SPPL3: variants seen among roughly 807,000 people sequenced by gnomAD.
SPPL3 encodes the protein signal peptide peptidase-like 3.
A neutral mutation model predicts 42.4 loss-of-function variants in SPPL3; 5 were observed. The ratio of observed to expected loss-of-function variants is 0.12; its 90% CI spans 0.06 to 0.25. The LOEUF (loss-of-function observed/expected upper bound fraction) is 0.25, where lower values mean the gene tolerates loss of function less well. Among genes scored for constraint, SPPL3 ranks in the 10% least tolerant of loss-of-function variants. The pLI, the probability that SPPL3 is intolerant of heterozygous loss-of-function variation, is 1.00. For synonymous variants in SPPL3, 195 were observed against 181.8 expected (o/e 1.07, Z -0.58); for missense variants, 235 against 489.0 (o/e 0.48, Z 4.90).
rs34670229 is a variant in SPPL3 at position 120,801,424 on chromosome 12, AT to A, written c.101+9384del. ...GTATAAAAGCATCAGCCATCTGGCC[AT>A]TTTTTTTTTTTGAGATCTTATATTT... is the stretch of plus-strand genomic sequence containing the variant. On this transcript the variant is annotated intron_variant, in intron 2 of 10. Coordinates refer to ENST00000353487, the MANE Select transcript of SPPL3 (RefSeq NM_139015.5). Among the ~76,000 whole-genome samples the A allele has an allele frequency of 1.9e-3, 275 of 145,438 alleles. 1 individual carries two copies. The highest frequency in any genetic ancestry group is 5.5e-3 in the East Asian group (28 of 5,046).
chr12:120,794,548 C>T (rs1566043836), intron 2 of SPPL3, among the ~76,000 whole-genome samples: 1 of 152,142 alleles, frequency 6.6e-6, no homozygotes, highest in East Asian at 1.9e-4. Flanking sequence ...CAGGCGCATG[C>T]CACCACACCC....
At chr12:120,841,549 T>C (rs1871833214) in intron 1 of SPPL3, among the ~76,000 whole-genome samples, 1 of 152,160 alleles carries the variant, frequency 6.6e-6, no homozygotes, top group African/African-American at 2.4e-5. Context: ...CAAGTTATAA[T>C]TATTTTTTGT....
intron 2 of SPPL3, among the ~76,000 whole-genome samples, chr12:120,797,809 G>T: frequency 6.6e-6 from 1 of 152,116 alleles, no homozygotes. Context: ...CACTGATAAT[G>T]ATCTTAACTT....
At chr12:120,776,234 A>G (rs189129404) in intron 6 of SPPL3, among the ~76,000 whole-genome samples, 89 of 152,356 alleles carry the variant, frequency 5.8e-4, no homozygotes, top group Non-Finnish European at 9.8e-4. Context: ...AATTCTAATT[A>G]GGGTTTCGGG....
At chr12:120,903,535 C>T in intron 1 of SPPL3, 1 of 395,608 alleles carries the variant, frequency 2.5e-6, no homozygotes, top group South Asian at 3.3e-5. Flanking sequence ...GATTCAACTT[C>T]CCATCCGTGG....
At chr12:120,787,549 G>A (rs1047221663) in intron 3 of SPPL3, among the ~76,000 whole-genome samples, 94 of 151,992 alleles carry the variant, frequency 6.2e-4, no homozygotes, top group African/African-American at 2.0e-3. Flanking sequence ...TTATGGTGAA[G>A]CATCACACCC....
At chr12:120,807,734 C>T (rs971057794) in intron 2 of SPPL3, among the ~76,000 whole-genome samples, 2 of 151,182 alleles carry the variant, frequency 1.3e-5, no homozygotes, top group Non-Finnish European at 2.9e-5. Flanking sequence ...GTAAACTCAG[C>T]AGGAAAAAAA....
intron 1 of SPPL3, among the ~76,000 whole-genome samples, chr12:120,892,391 C>T (rs144072889): frequency 7.9e-5 from 12 of 152,232 alleles, no homozygotes; most frequent in Middle Eastern, 3.4e-3. Flanking sequence ...AACATTTCTC[C>T]TGCGCCAATC....
intron 1 of SPPL3, among the ~76,000 whole-genome samples, chr12:120,896,940 A>G (rs1873825696): frequency 6.6e-6 from 1 of 152,240 alleles, no homozygotes; most frequent in Non-Finnish European, 1.5e-5. Flanking sequence ...GCGAACTGCC[A>G]TGACAGCAGT....
intron 1 of SPPL3, among the ~76,000 whole-genome samples, chr12:120,826,998 T>C (rs1356843617): frequency 1.3e-5 from 2 of 152,184 alleles, no homozygotes; most frequent in African/African-American, 2.4e-5. Flanking sequence ...TAAAGGGTGC[T>C]GGACTCTGTT....
intron 1 of SPPL3, among the ~76,000 whole-genome samples, chr12:120,833,681 G>GA (rs1275744910): frequency 7.8e-4 from 38 of 48,988 alleles, no homozygotes; most frequent in Non-Finnish European, 1.5e-3. Flanking sequence ...AAAAAAAAAA[G>GA]AAAAAAAAAA....
At chr12:120,842,850 G>A (rs747344105) in intron 1 of SPPL3, among the ~76,000 whole-genome samples, 1 of 152,170 alleles carries the variant, frequency 6.6e-6, no homozygotes, top group South Asian at 2.1e-4. Flanking sequence ...ACAGCACACA[G>A]TATTGAAAAC....
intron 1 of SPPL3, among the ~76,000 whole-genome samples, chr12:120,844,809 C>T (rs1319083674): frequency 6.6e-6 from 1 of 151,864 alleles, no homozygotes. Context: ...AGGCCAAGGG[C>T]CCACGGGCCT....
At chr12:120,851,371 C>T (rs1424477700) in intron 1 of SPPL3, among the ~76,000 whole-genome samples, 1 of 151,974 alleles carries the variant, frequency 6.6e-6, no homozygotes, top group Non-Finnish European at 1.5e-5. Context: ...CTGCAATCTA[C>T]CAAAAAAAGT....
intron 3 of SPPL3, among the ~76,000 whole-genome samples, chr12:120,790,002 G>A (rs1566042578): frequency 6.6e-6 from 1 of 151,976 alleles, no homozygotes; most frequent in Non-Finnish European, 1.5e-5. Context: ...TTATAATTTG[G>A]TTTAAGAACA....
At chr12:120,858,372 C>T (rs533264) in intron 1 of SPPL3, among the ~76,000 whole-genome samples, 73,262 of 151,468 alleles carry the variant, frequency 0.48, 17,893 homozygotes, top group East Asian at 0.56. Context: ...AGGCAGGACG[C>T]TTGAACCCGG....
At chr12:120,891,736 TAAAA>T (rs5801407) in intron 1 of SPPL3, among the ~76,000 whole-genome samples, 154 of 134,640 alleles carry the variant, frequency 1.1e-3, no homozygotes, top group East Asian at 2.1e-3. Context: ...TTGCAAATTC[TAAAA>T]AAAAAAAAAA....
At chr12:120,810,912 TA>T in intron 1 of SPPL3, 26 bp from the exon 2 acceptor site, 1 of 1,557,564 alleles carries the variant, frequency 6.4e-7, no homozygotes. Flanking sequence ...GAAAAAAATT[TA>T]AATCACATGC....
chr12:120,874,251 G>A (rs141534136), intron 1 of SPPL3, among the ~76,000 whole-genome samples: 95 of 152,028 alleles, frequency 6.2e-4, no homozygotes, highest in Middle Eastern at 3.4e-3. Flanking sequence ...CCAGGAGATC[G>A]AGACCAACCT....
Sources: gnomAD v4.1 joint callset for allele counts (sites outside exome capture counted in the v4.1 genomes callset) on GRCh38, gnomAD v4.1.1 for gene constraint, MANE v1.5 for transcripts, NCBI Gene and HGNC (gene_info 2026-07-23, HGNC 2026-07-21) for gene names.